HS1BP3: variants seen among roughly 807,000 people sequenced by gnomAD.
HS1BP3 encodes HCLS1-binding protein 3.
In HS1BP3, 32 loss-of-function variants were observed where a neutral mutation model predicts 33.5. That is an observed-to-expected ratio of 0.95 (90% CI 0.72 to 1.28). The LOEUF is 1.28. Ranked by LOEUF, HS1BP3 falls within the 50% of genes most tolerant of loss-of-function variation. The probability of loss-of-function intolerance (pLI) is 0.00; values close to 1 mark genes in which losing one functional copy is unlikely to be tolerated. For synonymous variants in HS1BP3, 187 were observed against 209.2 expected, an observed-to-expected ratio of 0.89 and a Z score of 0.92; for missense variants, 486 against 502.3, an observed-to-expected ratio of 0.97 and a Z score of 0.31.
chr2:20,557,097 T>G (rs561148028), downstream of HS1BP3, among the ~76,000 whole-genome samples: 4 of 152,366 alleles, frequency 2.6e-5, no homozygotes, highest in African/African-American at 9.6e-5. Flanking sequence ...TGCCTAGTTG[T>G]AGAATTGAAG....
intron 3 of HS1BP3, among the ~76,000 whole-genome samples, chr2:20,639,798 C>A (rs1214126846): frequency 6.6e-6 from 1 of 152,204 alleles, no homozygotes; most frequent in Non-Finnish European, 1.5e-5. Flanking sequence ...CAGAGAGGGG[C>A]TGGGACATCC....
chr2:20,617,149 G>T (rs1209639922), downstream of HS1BP3, among the ~76,000 whole-genome samples: 1 of 152,148 alleles, frequency 6.6e-6, no homozygotes, highest in Non-Finnish European at 1.5e-5. Flanking sequence ...CAGCATCAGG[G>T]TGCAGAAAGG....
At chr2:20,628,042 A>G (rs1427188028) in intron 4 of HS1BP3, among the ~76,000 whole-genome samples, 1 of 151,974 alleles carries the variant, frequency 6.6e-6, no homozygotes, top group Non-Finnish European at 1.5e-5. Flanking sequence ...TAGGCTCCCA[A>G]CCCCAGTCTC....
chr2:20,605,539 C>T (rs182775984), intron 2 of HS1BP3, among the ~76,000 whole-genome samples: 4 of 152,152 alleles, frequency 2.6e-5, no homozygotes, highest in Admixed American at 6.5e-5. Flanking sequence ...TTGTTGCTAT[C>T]GACTTCCGGA....
chr2:20,625,015 C>T (rs1363168749), intron 4 of HS1BP3, 123 bp from the exon 5 acceptor site: 15 of 1,201,404 alleles, frequency 1.2e-5, no homozygotes, highest in Non-Finnish European at 1.7e-5. Context: ...CCAGAAAAGA[C>T]CAGGCCAGAG....
At chr2:20,585,071 G>A (rs1287600413) in intron 5 of HS1BP3, among the ~76,000 whole-genome samples, 2 of 152,206 alleles carry the variant, frequency 1.3e-5, no homozygotes, top group South Asian at 2.1e-4. Flanking sequence ...TCCCACCAAG[G>A]ACAACCTCCA....
intron 4 of HS1BP3, among the ~76,000 whole-genome samples, chr2:20,633,035 C>T (rs1247091123): frequency 6.6e-6 from 1 of 152,250 alleles, no homozygotes; most frequent in East Asian, 1.9e-4. Flanking sequence ...AGTGCTCCAT[C>T]TCATTTTATC....
At chr2:20,628,409 A>G (rs1277464126) in intron 4 of HS1BP3, among the ~76,000 whole-genome samples, 8 of 152,076 alleles carry the variant, frequency 5.3e-5, no homozygotes, top group Non-Finnish European at 1.2e-4. Context: ...TTAAAGCAAA[A>G]AGTTTACGGG....
chr2:20,619,073 G>A lies in HS1BP3; in HGVS notation c.1093C>T (p.Gln365Ter). Reference protein sequence around the residue: ...AVAGQQKPQEQIQAMDEMDIL... With the variant: ...AVAGQQKPQE ...TCCATCTCGTCCATGGCTTGGATCT[G>A]CTCCTGCGGCTTCTGCTGCCCAGCC... Residue 365 changes from glutamine to a stop codon, truncating the protein, a stop_gained, in exon 7 of 7, where the codon CAG (glutamine) becomes TAG (stop). Transcript: ENST00000304031. LOFTEE classifies it high-confidence loss of function. 1 of 1,614,184 alleles carries A rather than the reference G, an allele frequency of 6.2e-7. No individual in the cohort carries two copies. The highest frequency in any genetic ancestry group is 8.5e-7 in the Non-Finnish European group (1 of 1,180,028).
chr2:20,578,088 T>C (rs1265629657), intron 5 of HS1BP3, among the ~76,000 whole-genome samples: 2 of 152,160 alleles, frequency 1.3e-5, no homozygotes, highest in Non-Finnish European at 2.9e-5. Context: ...CACTCCAAGC[T>C]GCATCATGTC....
At chr2:20,608,283 A>G (rs893254366) in intron 2 of HS1BP3, among the ~76,000 whole-genome samples, 1 of 151,966 alleles carries the variant, frequency 6.6e-6, no homozygotes, top group African/African-American at 2.4e-5. Flanking sequence ...GCATAGAAGT[A>G]GCAGAAACAG....
At chr2:20,570,634 T>G (rs975533723) in intron 5 of HS1BP3, among the ~76,000 whole-genome samples, 1 of 152,178 alleles carries the variant, frequency 6.6e-6, no homozygotes, top group African/African-American at 2.4e-5. Flanking sequence ...GAGGACATCT[T>G]GGGGCTACCC....
chr2:20,606,863 G>T (rs370568868), intron 2 of HS1BP3, among the ~76,000 whole-genome samples: 1 of 151,896 alleles, frequency 6.6e-6, no homozygotes, highest in Non-Finnish European at 1.5e-5. Context: ...ATCCTTAAAC[G>T]ATATATGGTT....
intron 5 of HS1BP3, among the ~76,000 whole-genome samples, chr2:20,587,453 T>C (rs1005385457): frequency 2.6e-5 from 4 of 151,940 alleles, no homozygotes; most frequent in African/African-American, 9.7e-5. Flanking sequence ...CACAAGCCCA[T>C]TTAGTGTTTC....
At chr2:20,646,103 G>A (rs1419087246) in intron 1 of HS1BP3, among the ~76,000 whole-genome samples, 10 of 152,244 alleles carry the variant, frequency 6.6e-5, no homozygotes, top group Non-Finnish European at 1.3e-4. Context: ...CACCGCTCTT[G>A]GAGATTTGTA....
chr2:20,609,958 G>T (rs780856957), intron 2 of HS1BP3, among the ~76,000 whole-genome samples: 4 of 152,222 alleles, frequency 2.6e-5, no homozygotes, highest in Non-Finnish European at 4.4e-5. Flanking sequence ...ATCACCAAAG[G>T]TGGGGCATGG....
rs1694516554 is a variant in HS1BP3, at chr2:20,619,166, C to CT, written c.999dup (p.Val334SerfsTer4). 1 of 1,614,066 alleles carries CT rather than the reference C, an allele frequency of 6.2e-7. No individual in the cohort carries two copies. Among genetic ancestry groups the CT allele is most frequent in the Admixed American group, 1.7e-5 (1 of 59,988 alleles). On this transcript the variant is annotated frameshift_variant, in exon 7 of 7. Transcript: ENST00000304031. LOFTEE classifies it low-confidence loss of function (END_TRUNC). ...CTGGGTATCACCGGCTTAGCTGCCACTGGTGGCTTGGGCTTAAGCTGGGGC... is the reference window on the plus strand; with the variant it reads ...CTGGGTATCACCGGCTTAGCTGCCACTTGGTGGCTTGGGCTTAAGCTGGGGC...
At chr2:20,563,135 C>T (rs1693041655) in intron 5 of HS1BP3, among the ~76,000 whole-genome samples, 1 of 152,208 alleles carries the variant, frequency 6.6e-6, no homozygotes. Context: ...TGGAGCCAGC[C>T]TGCCCTGCTC....
At chr2:20,625,833 G>A (rs952933308) in intron 4 of HS1BP3, among the ~76,000 whole-genome samples, 1 of 152,202 alleles carries the variant, frequency 6.6e-6, no homozygotes, top group Non-Finnish European at 1.5e-5. Context: ...AACACGCATG[G>A]AGCTGAATGC....
Sources: allele counts gnomAD v4.1 joint callset (sites outside exome capture counted in the v4.1 genomes callset), GRCh38; gene constraint gnomAD v4.1.1; transcripts MANE v1.5; gene names NCBI Gene and HGNC (gene_info 2026-07-23, HGNC 2026-07-21).